The following ADGRL2 variants were observed in gnomAD, a reference collection of about 807,000 sequenced individuals.
The protein encoded by ADGRL2 is calcium-independent alpha-latrotoxin receptor 2.
In ADGRL2, 44 loss-of-function variants were observed where a neutral mutation model predicts 157.4. That is an observed-to-expected ratio of 0.28 (90% CI 0.22 to 0.36). ADGRL2 has a LOEUF of 0.36. Ranked by LOEUF, ADGRL2 falls within the 10% of genes least tolerant of loss-of-function variation. The pLI, the probability that ADGRL2 is intolerant of heterozygous loss-of-function variation, is 1.00. For synonymous variants in ADGRL2, 585 were observed against 624.7 expected (o/e 0.94, Z 0.95); for missense variants, 1,510 against 1,768.9 (o/e 0.85, Z 2.63).
intron 1 of ADGRL2, among the ~76,000 whole-genome samples, chr1:81,437,905 C>T (rs1238068177): frequency 1.3e-5 from 2 of 152,094 alleles, no homozygotes; most frequent in Admixed American, 6.6e-5. Flanking sequence ...AACTTGCAGT[C>T]GTGACTGTCT....
At chr1:81,701,571 G>A (rs1335846759) in intron 1 of ADGRL2, among the ~76,000 whole-genome samples, 2 of 152,122 alleles carry the variant, frequency 1.3e-5, no homozygotes, top group African/African-American at 2.4e-5. Context: ...TCAGAGATCA[G>A]CTTCAACCAA....
chr1:81,579,628 A>G (rs1472602549), intron 2 of ADGRL2, among the ~76,000 whole-genome samples: 1 of 152,166 alleles, frequency 6.6e-6, no homozygotes, highest in Non-Finnish European at 1.5e-5. Flanking sequence ...GTGTCTTCAG[A>G]GGCATCTGCA....
intron 3 of ADGRL2, among the ~76,000 whole-genome samples, chr1:81,609,750 A>G (rs1343154319): frequency 1.3e-5 from 2 of 152,178 alleles, no homozygotes; most frequent in Admixed American, 6.6e-5. Flanking sequence ...TTTTAAACCA[A>G]TGTCTGCATA....
At chr1:81,400,980 A>G (rs2076743566) in intron 1 of ADGRL2, among the ~76,000 whole-genome samples, 1 of 152,108 alleles carries the variant, frequency 6.6e-6, no homozygotes, top group African/African-American at 2.4e-5. Flanking sequence ...TTTCTCAGGG[A>G]ACAATGTGCC....
chr1:81,593,301 C>A (rs377235320), intron 3 of ADGRL2, among the ~76,000 whole-genome samples: 2 of 152,162 alleles, frequency 1.3e-5, no homozygotes, highest in African/African-American at 4.8e-5. Flanking sequence ...ATAACAATCA[C>A]CCTAGAGACG....
intron 2 of ADGRL2, among the ~76,000 whole-genome samples, chr1:81,528,061 C>T (rs2079507599): frequency 2.0e-5 from 3 of 152,086 alleles, no homozygotes; most frequent in Admixed American, 2.0e-4. Flanking sequence ...AGCGAGACTC[C>T]GTCTCAAAAG....
intron 2 of ADGRL2, among the ~76,000 whole-genome samples, chr1:81,487,124 C>T (rs1463829422): frequency 7.1e-6 from 1 of 141,570 alleles, no homozygotes; most frequent in East Asian, 2.1e-4. Flanking sequence ...GTAAATCAGC[C>T]AGGTGTGGTG....
At chr1:81,516,074 C>A (rs969612897) in intron 2 of ADGRL2, among the ~76,000 whole-genome samples, 2 of 152,136 alleles carry the variant, frequency 1.3e-5, no homozygotes, top group Non-Finnish European at 2.9e-5. Flanking sequence ...TCCTAATACA[C>A]TGGTTACATA....
chr1:81,598,080 T>G (rs1276433778), intron 3 of ADGRL2, among the ~76,000 whole-genome samples: 1 of 152,186 alleles, frequency 6.6e-6, no homozygotes, highest in East Asian at 1.9e-4. Flanking sequence ...TGGTTTGCAT[T>G]TTTTGGTAAA....
chr1:81,950,598 G>C, intron 7 of ADGRL2, 116 bp downstream of exon 7: 1 of 994,820 alleles, frequency 1.0e-6, no homozygotes, highest in Non-Finnish European at 1.5e-6. Context: ...CTTTATTTTT[G>C]TACTTTGGTA....
chr1:81,974,573 G>A (rs1348383278), intron 17 of ADGRL2, among the ~76,000 whole-genome samples: 1 of 152,098 alleles, frequency 6.6e-6, no homozygotes, highest in African/African-American at 2.4e-5. Flanking sequence ...AAGCTCCAGG[G>A]AGGACAAAAA....
In ADGRL2 at chr1:81,803,871, A is replaced by G. The variant is rs530359863; in HGVS notation, c.-101+2803A>G. On this transcript the variant is annotated intron_variant, in intron 1 of 23. Transcript: ENST00000686636. The stretch of plus-strand genomic sequence containing the variant: ...TTGATTCATTCATTTCTCTGTCACT[A>G]TTTATGTGTGGAACGGGTCCCACCG... Among the ~76,000 whole-genome samples, 10 of 152,250 alleles carry G rather than the reference A, an allele frequency of 6.6e-5. No homozygotes were observed. In the South Asian group the frequency reaches 2.1e-3, roughly 32 times the overall value.
upstream of ADGRL2, among the ~76,000 whole-genome samples, chr1:81,797,522 G>C (rs967496608): frequency 1.3e-5 from 2 of 152,262 alleles, no homozygotes; most frequent in South Asian, 4.1e-4. Context: ...CCATTGGCCA[G>C]AGTAGGGCAG....
At chr1:81,638,043 G>A (rs1055998305) in intron 3 of ADGRL2, among the ~76,000 whole-genome samples, 7 of 151,572 alleles carry the variant, frequency 4.6e-5, no homozygotes, top group South Asian at 4.2e-4. Flanking sequence ...TTCATATACC[G>A]TGTTGGTCCC....
intron 2 of ADGRL2, among the ~76,000 whole-genome samples, chr1:81,893,053 A>T (rs1344612237): frequency 6.6e-6 from 1 of 152,182 alleles, no homozygotes; most frequent in Non-Finnish European, 1.5e-5. Context: ...ACTAGAATTC[A>T]AAACCTTATC....
chr1:81,768,490 T>A (rs1037339533), intron 2 of ADGRL2, among the ~76,000 whole-genome samples: 18 of 151,764 alleles, frequency 1.2e-4, no homozygotes, highest in Non-Finnish European at 1.9e-4. Flanking sequence ...TTTTTTTTTT[T>A]TTGAGAGAAG....
chr1:81,885,475 C>T (rs908433177), intron 2 of ADGRL2, among the ~76,000 whole-genome samples: 4 of 152,178 alleles, frequency 2.6e-5, no homozygotes, highest in Non-Finnish European at 5.9e-5. Context: ...TTATCCAGGG[C>T]TTGACAAGAA....
At chr1:81,531,640 A>G (rs1275360295) in intron 2 of ADGRL2, among the ~76,000 whole-genome samples, 1 of 152,208 alleles carries the variant, frequency 6.6e-6, no homozygotes, top group Admixed American at 6.5e-5. Flanking sequence ...GAACTTTGTT[A>G]TATCCTTTAA....
intron 2 of ADGRL2, among the ~76,000 whole-genome samples, chr1:81,531,467 G>T (rs1463443402): frequency 1.3e-5 from 2 of 152,302 alleles, no homozygotes; most frequent in African/African-American, 2.4e-5. Context: ...CACATGCTTA[G>T]TTCATAGTAG....
Sources: gnomAD v4.1 joint callset for allele counts (sites outside exome capture counted in the v4.1 genomes callset) on GRCh38, gnomAD v4.1.1 for gene constraint, MANE v1.5 for transcripts, NCBI Gene and HGNC (gene_info 2026-07-23, HGNC 2026-07-21) for gene names.